POU6F1: variants seen among roughly 807,000 people sequenced by gnomAD.
The protein encoded by POU6F1 is POU class 6 homeobox 1.
POU6F1 carries 9 observed loss-of-function variants against 28.9 expected under a neutral mutation model. The observed-to-expected ratio is 0.31, with a 90% CI of 0.19 to 0.54. The LOEUF is 0.54. POU6F1 is among the 20% of genes least tolerant of loss of function. The pLI, the probability that POU6F1 is intolerant of heterozygous loss-of-function variation, is 0.94. For synonymous variants in POU6F1, 173 were observed against 171.1 expected, an observed-to-expected ratio of 1.01 and a Z score of -0.09; for missense variants, 338 against 426.1, an observed-to-expected ratio of 0.79 and a Z score of 1.82.
At chr12:51,197,606 C>T (rs1942921376) in intron 6 of POU6F1, among the ~76,000 whole-genome samples, 164 bp downstream of exon 6, 1 of 152,156 alleles carries the variant, frequency 6.6e-6, no homozygotes, top group Admixed American at 6.5e-5. Context: ...GACGGGCTGG[C>T]AGCTGCAAGG....
chr12:51,197,748 C>T, intron 6 of POU6F1, 22 bp downstream of exon 6: 1 of 399,666 alleles, frequency 2.5e-6, no homozygotes, highest in Non-Finnish European at 4.4e-6. Flanking sequence ...CTGGTCAGCC[C>T]TGGGTGAGGG....
chr12:51,194,121 G>A (rs1052156743), intron 8 of POU6F1, among the ~76,000 whole-genome samples: 1 of 152,032 alleles, frequency 6.6e-6, no homozygotes, highest in Non-Finnish European at 1.5e-5. Flanking sequence ...CTGCCTCCCG[G>A]GTTCAAGCAA....
intron 1 of POU6F1, among the ~76,000 whole-genome samples, chr12:51,209,373 T>C (rs1159690077): frequency 6.6e-6 from 1 of 152,262 alleles, no homozygotes; most frequent in African/African-American, 2.4e-5. Flanking sequence ...TTCATGTAAA[T>C]GGAATGATAG....
Position 51,196,173 on chromosome 12 carries a change from C to T in POU6F1, c.976G>A (p.Val326Ile). 6.6e-7 allele frequency: 1 copy of T among 1,505,568 alleles called. No individual in the cohort carries two copies. Among genetic ancestry groups the T allele is most frequent in the Non-Finnish European group, 8.8e-7 (1 of 1,130,150 alleles). The allele number at this position is 1,505,568 out of a possible 1,614,324, so 93.3% of individuals were successfully genotyped here. A position where few individuals can be genotyped will look rare whatever the true frequency, so the allele number is the denominator to read the frequency against. Residue 326 changes from valine to isoleucine, a missense_variant and splice_region_variant, in exon 8 of 11, where the codon GTT (valine) becomes ATT (isoleucine). Val to Ile is a conservative substitution (Grantham distance 29). This residue lies in a region of POU6F1 where 206 missense variants were observed against 225.6 expected (regional missense o/e 0.91). Transcript: ENST00000333640. ...SQILTNAQGQ[V>I]IGTLPWVVNS... ...ACTACCCATGGAAGGGTTCCAATAA[C>T]CTGGGAGGAAATAAGGCAGGGACCC...
Position 51,195,984 on chromosome 12 carries a change from G to C in POU6F1, c.1165C>G (p.Pro389Ala). The C allele has an allele frequency of 6.2e-7, 1 of 1,602,614 alleles. No individual in the cohort carries two copies. The change falls in exon 8 of 11, where the codon CCT (proline) becomes GCT (alanine). Residue 389 changes from proline to alanine, a missense_variant. Pro to Ala is a conservative substitution (Grantham distance 27, BLOSUM62 -1). Around this residue, in one of 3 missense-constraint regions of POU6F1, gnomAD observed 206 missense variants for 225.6 expected, o/e 0.91. Coordinates refer to ENST00000333640, the MANE Select transcript of POU6F1 (RefSeq NM_001330422.2). ...AGCCCCTGTACCTCACTCTTAGCAG[G>C]GGACTCAGGTGTGCTTGGCTTCCGG... ...AVRKPSTPES[P>A]AKSEVQPIQP...
chr12:51,197,493 A>G (rs1056626218), intron 6 of POU6F1, among the ~76,000 whole-genome samples: 1 of 151,760 alleles, frequency 6.6e-6, no homozygotes, highest in Non-Finnish European at 1.5e-5. Flanking sequence ...CAAGTTTTCA[A>G]CCCCCAGACG....
intron 3 of POU6F1, among the ~76,000 whole-genome samples, chr12:51,201,403 G>A (rs1042165701): frequency 6.6e-6 from 1 of 152,118 alleles, no homozygotes; most frequent in African/African-American, 2.4e-5. Context: ...CAGGCTGGGT[G>A]CAGTAGCCCA....
chr12:51,205,121 C>G (rs988199305), intron 2 of POU6F1, among the ~76,000 whole-genome samples: 3 of 150,284 alleles, frequency 2.0e-5, no homozygotes, highest in African/African-American at 7.4e-5. Context: ...TCACTGCCAG[C>G]TCCACCCCCC....
intron 5 of POU6F1, 69 bp downstream of exon 5, chr12:51,198,481 C>A: frequency 2.5e-6 from 1 of 398,756 alleles, no homozygotes; most frequent in Non-Finnish European, 4.4e-6. Flanking sequence ...TCCGACATGG[C>A]AAGCACACGT....
intron 2 of POU6F1, among the ~76,000 whole-genome samples, chr12:51,205,113 A>G (rs1171703031): frequency 7.2e-6 from 1 of 138,422 alleles, no homozygotes; most frequent in Non-Finnish European, 1.5e-5. Context: ...ATCTCGGCTC[A>G]CTGCCAGCTC....
intron 8 of POU6F1, 32 bp downstream of exon 8, chr12:51,195,938 G>GCCT: frequency 1.1e-6 from 1 of 916,160 alleles, no homozygotes; most frequent in Non-Finnish European, 1.7e-6. Flanking sequence ...AGCAGAGCCT[G>GCCT]CCCCACCCCC....
chr12:51,195,938 G>GGGGC, intron 8 of POU6F1, 32 bp downstream of exon 8: 2 of 916,158 alleles, frequency 2.2e-6, no homozygotes, highest in Non-Finnish European at 3.3e-6. Flanking sequence ...AGCAGAGCCT[G>GGGGC]CCCCACCCCC....
intron 10 of POU6F1, among the ~76,000 whole-genome samples, chr12:51,191,029 A>G (rs1275039036): frequency 6.6e-6 from 1 of 152,152 alleles, no homozygotes; most frequent in Non-Finnish European, 1.5e-5. Flanking sequence ...AGGATGCTGG[A>G]GGCACTCTAA....
At chr12:51,215,389 T>C (rs1944231200) in intron 1 of POU6F1, among the ~76,000 whole-genome samples, 1 of 151,684 alleles carries the variant, frequency 6.6e-6, no homozygotes, top group African/African-American at 2.4e-5. Context: ...ACCCCGTCTC[T>C]ACTGAAAATA....
rs1942079375 is a variant in POU6F1 at position 51,187,196 on chromosome 12, T to C, written c.*3051A>G. ...CCTTAGTCCATTTGGCTGAGTTCTTTCCCTGGACTTCACCTGGATAAAATG... is the reference window on the plus strand; with the variant it reads ...CCTTAGTCCATTTGGCTGAGTTCTTCCCCTGGACTTCACCTGGATAAAATG... On this transcript the variant is annotated 3_prime_UTR_variant, in exon 11 of 11. Transcript: ENST00000333640. The C allele has an allele frequency of 6.6e-6, 1 of 152,206 alleles. No individual in the cohort carries two copies. The highest frequency in any genetic ancestry group is 2.4e-5 in the African/African-American group (1 of 41,454). 9.4% of individuals were successfully genotyped at this position (152,206 alleles called of 1,614,324 possible).
intron 3 of POU6F1, chr12:51,201,690 A>G (rs1943219991): frequency 1.3e-5 from 2 of 152,306 alleles, no homozygotes; most frequent in Admixed American, 6.5e-5. Flanking sequence ...CCTCTAAAGA[A>G]GCAAAATATT....
At chr12:51,214,381 C>T (rs1010432530) in intron 1 of POU6F1, among the ~76,000 whole-genome samples, 2 of 152,120 alleles carry the variant, frequency 1.3e-5, no homozygotes, top group East Asian at 1.9e-4. Flanking sequence ...AAGGCTCTGT[C>T]GACCTGCCCC....
At chr12:51,201,522 AT>A (rs1398138034) in intron 3 of POU6F1, among the ~76,000 whole-genome samples, 1 of 131,216 alleles carries the variant, frequency 7.6e-6, no homozygotes, top group Non-Finnish European at 1.6e-5. Context: ...TACAGAAAAA[AT>A]AAAAATGAGT....
chr12:51,214,060 T>A lies in POU6F1; in HGVS notation c.-48+3582A>T, dbSNP rs151188693. ...TGGGTAGCTAAGGCAGGAGAATCGC[T>A]TGAACCGGGAGGCGGAGGTTGCAGT... On this transcript the variant is annotated intron_variant, in intron 1 of 10. Transcript: ENST00000333640. Among the ~76,000 whole-genome samples, 278 of 152,012 alleles carry A rather than the reference T, an allele frequency of 1.8e-3. 3 individuals carry two copies. Among genetic ancestry groups the A allele is most frequent in the African/African-American group, 6.2e-3 (258 of 41,514 alleles).
Sources: allele counts gnomAD v4.1 joint callset (sites outside exome capture counted in the v4.1 genomes callset), GRCh38; gene constraint gnomAD v4.1.1; regional missense constraint gnomAD v4.1.1; transcripts MANE v1.5; gene names NCBI Gene and HGNC (gene_info 2026-07-23, HGNC 2026-07-21).